NFE2L1: variants seen among roughly 807,000 people sequenced by gnomAD.
The protein encoded by NFE2L1 is endoplasmic reticulum membrane sensor NFE2L1.
NFE2L1 carries 18 observed loss-of-function variants against 61.6 expected under a neutral mutation model. The ratio of observed to expected loss-of-function variants is 0.29; its 90% CI spans 0.20 to 0.43. NFE2L1 has a LOEUF of 0.43. Ranked by LOEUF, NFE2L1 falls within the 20% of genes least tolerant of loss-of-function variation. The pLI is 1.00. For synonymous variants in NFE2L1, 419 were observed against 402.7 expected (o/e 1.04, Z -0.48); for missense variants, 827 against 973.5 (o/e 0.85, Z 2.00).
In NFE2L1 at chr17:48,059,003, C is replaced by CAG; in HGVS notation, c.1682_1683dup (p.Leu562SerfsTer51). Reference sequence around the variant, plus strand: ...CCGCATGAGCTACCAGGATCCAGCTCAGCTCTCATGCCTGCCCTACCTGGA... The same window carrying CAG: ...CCGCATGAGCTACCAGGATCCAGCTCAGAGCTCTCATGCCTGCCCTACCTGGA... On this transcript the variant is annotated frameshift_variant, in exon 6 of 6. Transcript: ENST00000362042. LOFTEE classifies it high-confidence loss of function. The surrounding 1 kb of genome is among the most constrained non-coding windows in gnomAD (Gnocchi z 6.1). The CAG allele has an allele frequency of 6.2e-7, 1 of 1,614,066 alleles. No homozygotes were observed. Among genetic ancestry groups the CAG allele is most frequent in the Non-Finnish European group, 8.5e-7 (1 of 1,180,020 alleles).
rs993742048 is a variant in NFE2L1 at position 48,051,532 on chromosome 17, C to T, written c.414C>T (p.Asn138=). The part of the protein sequence containing the change: ...SGLQDVTGPD[N]GVRESETEQG... ...TCCAAGATGTGACAGGCCCAGACAACGGGGTGCGAGAAAGCGAAACGGAGC... is the reference window on the plus strand; with the variant it reads ...TCCAAGATGTGACAGGCCCAGACAATGGGGTGCGAGAAAGCGAAACGGAGC... Residue 138 remains asparagine, a synonymous_variant, in exon 2 of 6, where the codon AAC becomes AAT. Transcript: ENST00000362042. 2.0e-5 allele frequency: 33 copies of T among 1,613,966 alleles called. No homozygotes were observed. The highest frequency in any genetic ancestry group is 4.4e-5 in the South Asian group (4 of 91,086).
Position 48,051,557 on chromosome 17 carries a change from C to G in NFE2L1, c.439C>G (p.Gln147Glu), listed in dbSNP as rs775479279. The change falls in exon 2 of 6, where the codon CAG (glutamine) becomes GAG (glutamate). Residue 147 changes from glutamine to glutamate, a missense_variant. By Grantham distance (29) the Gln-to-Glu change is conservative. Around this residue, in one of 3 missense-constraint regions of NFE2L1, gnomAD observed 667 missense variants for 748.4 expected, o/e 0.89. Coordinates refer to ENST00000362042, the MANE Select transcript of NFE2L1 (RefSeq NM_003204.3). ...DNGVRESETE[Q>E]GFGEDLEDLG... Reference sequence around the variant, plus strand: ...CGGGGTGCGAGAAAGCGAAACGGAGCAGGGATTCGGTGAAGATTTGGAGGA... The same window carrying G: ...CGGGGTGCGAGAAAGCGAAACGGAGGAGGGATTCGGTGAAGATTTGGAGGA... 1.4e-5 allele frequency: 22 copies of G among 1,614,034 alleles called. No individual in the cohort carries two copies. Among genetic ancestry groups the G allele is most frequent in the Admixed American group, 3.3e-5 (2 of 59,998 alleles).
chr17:48,054,662 GGGGAGGAGC>G, intron 2 of NFE2L1: 1 of 1,266,612 alleles, frequency 7.9e-7, no homozygotes, highest in East Asian at 3.1e-5. Context: ...GGGGCGTGGG[GGGGAGGAGC>G]GGGAGGATAG....
rs745349658 is a variant in NFE2L1 at position 48,058,863 on chromosome 17, C to T, written c.1541C>T (p.Ala514Val). 6 of 1,613,712 alleles carry T rather than the reference C, an allele frequency of 3.7e-6. No individual in the cohort carries two copies. The South Asian group carries it at 6.6e-5, about 18-fold the overall frequency. ...SSSSSSASSS[A>V]SSSFSEEGAV... ...TCTTCTTCCTCTGCTTCTTCCTCTG[C>T]CTCTTCCTCCTTTTCTGAGGAAGGT... The change falls in exon 6 of 6, where the codon GCC becomes GTC. Residue 514 changes from alanine (A) to valine (V), a missense_variant. Ala to Val is a moderately conservative substitution (Grantham distance 64). Around this residue, in one of 3 missense-constraint regions of NFE2L1, gnomAD observed 667 missense variants for 748.4 expected, o/e 0.89. Coordinates refer to ENST00000362042, the MANE Select transcript of NFE2L1 (RefSeq NM_003204.3).
intron 2 of NFE2L1, chr17:48,054,945 G>T: frequency 6.9e-7 from 1 of 1,445,472 alleles, no homozygotes; most frequent in Non-Finnish European, 9.1e-7. Flanking sequence ...TGTGCTCCCT[G>T]AAAGCCAAGA....
At chr17:48,051,714 G>A in intron 2 of NFE2L1, 86 bp downstream of exon 2, 1 of 1,495,100 alleles carries the variant, frequency 6.7e-7, no homozygotes, top group East Asian at 2.3e-5. Flanking sequence ...ACTGAGCCCT[G>A]TAAAGAGCCA....
At chr17:48,058,190 C>T in intron 5 of NFE2L1, 105 bp from the exon 6 acceptor site, 1 of 1,465,692 alleles carries the variant, frequency 6.8e-7, no homozygotes, top group Non-Finnish European at 9.1e-7. Flanking sequence ...TAGTATTTTG[C>T]CTTTACACCC....
intron 2 of NFE2L1, 87 bp from the exon 3 acceptor site, chr17:48,056,299 G>T: frequency 2.0e-6 from 3 of 1,504,996 alleles, no homozygotes; most frequent in Non-Finnish European, 1.8e-6. Flanking sequence ...GGACTAACTG[G>T]GGTGACACTA....
At chr17:48,054,813 G>A in intron 2 of NFE2L1, 1 of 1,331,680 alleles carries the variant, frequency 7.5e-7, no homozygotes, top group Non-Finnish European at 9.6e-7. Flanking sequence ...GGGGTTGTGA[G>A]GTGGGAGGGG....
intron 1 of NFE2L1, among the ~76,000 whole-genome samples, chr17:48,049,479 G>A (rs2037189811): frequency 6.6e-6 from 1 of 151,946 alleles, no homozygotes; most frequent in African/African-American, 2.4e-5. Flanking sequence ...CACAACCTCC[G>A]TTTCCTGGGT....
At chr17:48,051,686 A>G in intron 2 of NFE2L1, 58 bp downstream of exon 2, 5 of 1,555,062 alleles carry the variant, frequency 3.2e-6, no homozygotes, top group Middle Eastern at 2.3e-4. Flanking sequence ...GCTGGTCCCA[A>G]AGGATTGTGG....
At chr17:48,052,456 C>A (rs2037278330) in intron 2 of NFE2L1, among the ~76,000 whole-genome samples, 1 of 152,196 alleles carries the variant, frequency 6.6e-6, no homozygotes, top group East Asian at 1.9e-4. Flanking sequence ...AAGAGGCCCA[C>A]TGCACTCCCC....
chr17:48,051,335 G>C lies in NFE2L1; in HGVS notation c.217G>C (p.Asp73His). 1 of 1,614,118 alleles carries C rather than the reference G, an allele frequency of 6.2e-7. No homozygotes were observed. Among genetic ancestry groups the C allele is most frequent in the Non-Finnish European group, 8.5e-7 (1 of 1,180,030 alleles). ...DGYGIHPKSI[D>H]LDNYFTARRL... is the part of the protein sequence containing the mutation. ...CTATGGTATCCACCCCAAGAGCATA[G>C]ACCTGGACAATTACTTCACTGCCCG... is the stretch of plus-strand genomic sequence containing the variant. The change falls in exon 2 of 6, where the codon GAC becomes CAC. Residue 73 changes from aspartate to histidine, a missense_variant. Asp to His is a moderately conservative substitution (Grantham distance 81). This residue lies in a region of NFE2L1 where 667 missense variants were observed against 748.4 expected (regional missense o/e 0.89). Transcript: ENST00000362042.
chr17:48,057,272 G>C (rs1353267734), intron 4 of NFE2L1, 72 bp from the exon 5 acceptor site: 3 of 1,598,248 alleles, frequency 1.9e-6, no homozygotes, highest in Non-Finnish European at 2.6e-6. Flanking sequence ...AACAGGTCCA[G>C]GTGGTAATCT....
At position 48,057,441 on chromosome 17, in the gene NFE2L1, C is replaced by G; in HGVS notation, c.911C>G (p.Thr304Arg). The G allele has an allele frequency of 6.2e-7, 1 of 1,614,186 alleles. No individual in the cohort carries two copies. Among genetic ancestry groups the G allele is most frequent in the Non-Finnish European group, 8.5e-7 (1 of 1,180,046 alleles). ...CTCTTGTCTCCTCTTCTGACCGGGA[C>G]AGAGTCACCATTTGATTTGGAACAG... ...NNLLSPLLTGTESPFDLEQQW... is the reference protein window; with the variant it reads ...NNLLSPLLTGRESPFDLEQQW... The change falls in exon 5 of 6, where the codon ACA (threonine) becomes AGA (arginine). Residue 304 changes from threonine to arginine, a missense_variant. Thr to Arg is a moderately conservative substitution (Grantham distance 71). Around this residue, in one of 3 missense-constraint regions of NFE2L1, gnomAD observed 667 missense variants for 748.4 expected, o/e 0.89. Coordinates refer to ENST00000362042, the MANE Select transcript of NFE2L1 (RefSeq NM_003204.3).
Position 48,051,524 on chromosome 17 carries a change from C to G in NFE2L1, c.406C>G (p.Pro136Ala). 1.2e-6 allele frequency: 2 copies of G among 1,614,082 alleles called. No individual in the cohort carries two copies. Among genetic ancestry groups the G allele is most frequent in the Non-Finnish European group, 8.5e-7 (1 of 1,180,028 alleles). The stretch of plus-strand genomic sequence containing the variant: ...CAGTGGCCTCCAAGATGTGACAGGC[C>G]CAGACAACGGGGTGCGAGAAAGCGA... ...SSSGLQDVTG[P>A]DNGVRESETE... Residue 136 changes from proline to alanine, a missense_variant, in exon 2 of 6, where the codon CCA (proline) becomes GCA (alanine). By Grantham distance (27) the Pro-to-Ala change is conservative (BLOSUM62 -1). Coordinates refer to ENST00000362042, the MANE Select transcript of NFE2L1 (RefSeq NM_003204.3).
chr17:48,054,943 C>T lies in NFE2L1; in HGVS notation c.511-1443C>T, dbSNP rs2037356027. On this transcript the variant is annotated intron_variant, in intron 2 of 5. Coordinates refer to ENST00000362042, the MANE Select transcript of NFE2L1 (RefSeq NM_003204.3). ...CCACCCTTCCAGCCTGGTGTGCTCC[C>T]TGAAAGCCAAGAGCTCCTTGCAGCC... is the stretch of plus-strand genomic sequence containing the variant. 4.2e-6 allele frequency: 6 copies of T among 1,444,410 alleles called. No individual in the cohort carries two copies. In the South Asian group the frequency reaches 6.9e-5, roughly 17 times the overall value. The allele number at this position is 1,444,410 out of a possible 1,614,324, so 89.5% of individuals were successfully genotyped here.
At position 48,055,209 on chromosome 17, in the gene NFE2L1, G is replaced by T. The variant is rs1333130044; in HGVS notation, c.511-1177G>T. 1.8e-5 allele frequency: 23 copies of T among 1,274,722 alleles called. No individual in the cohort carries two copies. In the East Asian group the frequency reaches 3.1e-4, roughly 17 times the overall value. 79.0% of individuals were successfully genotyped at this position (1,274,722 alleles called of 1,614,324 possible). ...CTGGGAGGTCTTAGGGTCAGGGGGGGTTAATGGGAGAAGAATACCGACTTA... is the reference window on the plus strand; with the variant it reads ...CTGGGAGGTCTTAGGGTCAGGGGGGTTTAATGGGAGAAGAATACCGACTTA... On this transcript the variant is annotated intron_variant, in intron 2 of 5. Transcript: ENST00000362042.
In NFE2L1 at chr17:48,059,658, G is replaced by T. The variant is rs992774009; in HGVS notation, c.*17G>T. ...AGAAAGTGAGCCTGGGGAAGAAGGG[G>T]GTTTGAAGCCCACCAAGACCGAAAC... On this transcript the variant is annotated 3_prime_UTR_variant, in exon 6 of 6. Transcript: ENST00000362042. The surrounding 1 kb of genome is among the most constrained non-coding windows in gnomAD (Gnocchi z 6.1). The T allele has an allele frequency of 1.1e-5, 17 of 1,530,164 alleles. No individual in the cohort carries two copies. The highest frequency in any genetic ancestry group is 1.3e-5 in the Non-Finnish European group (15 of 1,141,310). The allele number at this position is 1,530,164 out of a possible 1,614,324, so 94.8% of individuals were successfully genotyped here. A position where few individuals can be genotyped will look rare whatever the true frequency, so the allele number is the denominator to read the frequency against.
Sources: allele counts gnomAD v4.1 joint callset (sites outside exome capture counted in the v4.1 genomes callset), GRCh38; gene constraint gnomAD v4.1.1; regional missense constraint gnomAD v4.1.1; non-coding constraint Gnocchi (gnomAD v3.1); transcripts MANE v1.5; gene names NCBI Gene and HGNC (gene_info 2026-07-23, HGNC 2026-07-21).